The following USH2A variants were observed in gnomAD, a reference collection of about 807,000 sequenced individuals.
The protein encoded by USH2A is Usher syndrome 2A (autosomal recessive, mild).
Under a neutral mutation model 538.9 loss-of-function variants are expected in USH2A, and 443 were observed. The observed-to-expected ratio is 0.82, with a 90% CI of 0.76 to 0.89. The LOEUF is 0.89. Ranked by LOEUF, USH2A falls within the 40% of genes least tolerant of loss-of-function variation. The pLI is 0.00. For synonymous variants in USH2A, 2,413 were observed against 2,273.5 expected (o/e 1.06, Z -1.75); for missense variants, 6,633 against 6,324.8 (o/e 1.05, Z -1.65).
chr1:216,073,248 G>C lies in USH2A; in HGVS notation c.5625C>G (p.Asn1875Lys), dbSNP rs759181045. The change falls in exon 28 of 72, where the codon AAC (asparagine) becomes AAG (lysine). Residue 1875 changes from asparagine (N) to lysine (K), a missense_variant. Transcript: ENST00000307340. ...CAGCACCGCTGGACACAGATGCCAAGTTAACGACAGCACCCCGTGTAAATT... is the reference window on the plus strand; with the variant it reads ...CAGCACCGCTGGACACAGATGCCAACTTAACGACAGCACCCCGTGTAAATT... ...DVKFTRGAVV[N>K]LASVSSGAVR... The C allele has an allele frequency of 6.2e-7, 1 of 1,613,862 alleles. No homozygotes were observed. Among genetic ancestry groups the C allele is most frequent in the Non-Finnish European group, 8.5e-7 (1 of 1,179,942 alleles).
At position 216,086,204 on chromosome 1, in the gene USH2A, T is replaced by A. The variant is rs1571949586; in HGVS notation, c.4987+515A>T. On this transcript the variant is annotated intron_variant, in intron 24 of 71. Transcript: ENST00000307340. Reference sequence around the variant, plus strand: ...AATCACTTTGTCTATAGCTCAATTATAGCACTAATGGCATTAGGCTGGAAT... The same window carrying A: ...AATCACTTTGTCTATAGCTCAATTAAAGCACTAATGGCATTAGGCTGGAAT... 2.0e-5 allele frequency among the ~76,000 whole-genome samples: 3 copies of A among 152,268 alleles called. No homozygotes were observed. In the South Asian group the frequency reaches 6.2e-4, roughly 32 times the overall value.
intron 3 of USH2A, among the ~76,000 whole-genome samples, chr1:216,391,189 C>T (rs996695819): frequency 2.0e-5 from 3 of 152,196 alleles, no homozygotes; most frequent in African/African-American, 7.2e-5. Flanking sequence ...ACCAAAATTG[C>T]TTTGGTCTTA....
intron 11 of USH2A, among the ~76,000 whole-genome samples, chr1:216,271,305 C>T (rs2036569944): frequency 6.6e-6 from 1 of 152,118 alleles, no homozygotes; most frequent in Non-Finnish European, 1.5e-5. Context: ...ATTTATCTTA[C>T]AGCTGCATTT....
intron 30 of USH2A, among the ~76,000 whole-genome samples, chr1:216,057,618 C>T (rs973325348): frequency 6.6e-6 from 1 of 151,974 alleles, no homozygotes; most frequent in South Asian, 2.1e-4. Context: ...ACCCGGGCGG[C>T]GCAGGTTGCA....
At chr1:215,753,304 T>C (rs1285007882) in intron 58 of USH2A, among the ~76,000 whole-genome samples, 1 of 152,104 alleles carries the variant, frequency 6.6e-6, no homozygotes, top group African/African-American at 2.4e-5. Flanking sequence ...AGCCATCCCA[T>C]TACTGGGTAT....
chr1:215,970,575 G>T (rs766439350), intron 36 of USH2A, 50 bp downstream of exon 36: 2 of 1,610,946 alleles, frequency 1.2e-6, no homozygotes, highest in East Asian at 2.2e-5. Flanking sequence ...TTAATATTCA[G>T]TGTCATCTGA....
In USH2A at chr1:216,422,412, A is replaced by G. The variant is rs145285870; in HGVS notation, c.-76T>C. The G allele has an allele frequency of 7.3e-5, 116 of 1,598,738 alleles. No homozygotes were observed. In the African/African-American group the frequency reaches 1.4e-3, roughly 19 times the overall value. The stretch of plus-strand genomic sequence containing the variant: ...CAGGCCCACGCCACTTGCCAGCAAT[A>G]CTTTGAAGCAGGGTACTTTAAGTGA... On this transcript the variant is annotated 5_prime_UTR_variant, in exon 2 of 72. Coordinates refer to ENST00000307340, the MANE Select transcript of USH2A (RefSeq NM_206933.4).
intron 13 of USH2A, among the ~76,000 whole-genome samples, chr1:216,244,497 T>C (rs953811048): frequency 1.3e-4 from 19 of 151,992 alleles, no homozygotes; most frequent in Non-Finnish European, 2.1e-4. Context: ...AGCCATAGAT[T>C]TGGGTGGGAG....
chr1:216,113,457 A>C (rs2032924006), intron 21 of USH2A, among the ~76,000 whole-genome samples: 1 of 152,190 alleles, frequency 6.6e-6, no homozygotes, highest in African/African-American at 2.4e-5. Context: ...CATCAGGAAT[A>C]GTTTGGCCTG....
chr1:215,953,874 A>C (rs1292859110), intron 37 of USH2A, among the ~76,000 whole-genome samples: 1 of 152,062 alleles, frequency 6.6e-6, no homozygotes, highest in East Asian at 1.9e-4. Context: ...CAAGAAAAAA[A>C]CAAACAACCC....
At chr1:216,312,546 C>T (rs780459025) in intron 9 of USH2A, among the ~76,000 whole-genome samples, 9 of 152,074 alleles carry the variant, frequency 5.9e-5, no homozygotes, top group African/African-American at 2.2e-4. Context: ...AACTCAGATT[C>T]TTTTATCAGC....
intron 61 of USH2A, among the ~76,000 whole-genome samples, chr1:215,714,025 G>A (rs957155340): frequency 2.6e-5 from 4 of 152,166 alleles, no homozygotes; most frequent in Non-Finnish European, 5.9e-5. Context: ...GGTTATTGAG[G>A]TGAAATAAGA....
intron 41 of USH2A, among the ~76,000 whole-genome samples, chr1:215,887,180 ATCGGCCACAATC>A (rs542771982): frequency 9.7e-4 from 147 of 152,288 alleles, no homozygotes; most frequent in African/African-American, 3.3e-3. Flanking sequence ...TCTTTTTCAG[ATCGGCCACAATC>A]AGTAACGCCT....
chr1:216,052,707 T>C (rs1366703492), intron 30 of USH2A, among the ~76,000 whole-genome samples: 1 of 152,218 alleles, frequency 6.6e-6, no homozygotes, highest in Non-Finnish European at 1.5e-5. Context: ...TGGTCAAATA[T>C]GTGGTCTTCA....
Position 215,675,163 on chromosome 1 carries a change from AGGTAT to A in USH2A, c.12743_12747del (p.His4248LeufsTer2). On this transcript the variant is annotated frameshift_variant, in exon 63 of 72. Transcript: ENST00000307340. LOFTEE classifies it high-confidence loss of function. ...GTCCTCACCACATTCCAAGAGCTAC[AGGTAT>A]GCCCAGCTGAATTCCAAGTGTAGAT... 1 of 1,614,136 alleles carries A rather than the reference AGGTAT, an allele frequency of 6.2e-7. No homozygotes were observed. The highest frequency in any genetic ancestry group is 1.1e-5 in the South Asian group (1 of 91,078).
intron 4 of USH2A, 65 bp downstream of exon 4, chr1:216,364,888 T>A: frequency 1.3e-6 from 2 of 1,592,970 alleles, no homozygotes; most frequent in East Asian, 2.2e-5. Context: ...TATTATTTGT[T>A]TGATGCATTT....
rs569742012 is a variant in USH2A, at chr1:216,370,285, G to A, written c.652-5200C>T. On this transcript the variant is annotated intron_variant, in intron 3 of 71. Transcript: ENST00000307340. Reference sequence around the variant, plus strand: ...CTGAGGCAGGATAATTACTTGAACCGGGGAGGTGGAGGTTGCGGTGAGCCG... The same window carrying A: ...CTGAGGCAGGATAATTACTTGAACCAGGGAGGTGGAGGTTGCGGTGAGCCG... Among the ~76,000 whole-genome samples the A allele has an allele frequency of 7.1e-4, 108 of 151,810 alleles. 7 individuals carry two copies. Among genetic ancestry groups the A allele is most frequent in the Admixed American group, 1.3e-4 (2 of 15,236 alleles).
Position 216,200,083 on chromosome 1 carries a change from T to C in USH2A, c.3355A>G (p.Thr1119Ala), listed in dbSNP as rs761834519. Residue 1119 changes from threonine (T) to alanine (A), a missense_variant, in exon 17 of 72, where the codon ACC becomes GCC. Thr to Ala is a moderately conservative substitution (Grantham distance 58, BLOSUM62 0). Transcript: ENST00000307340. ...GTCTCAATGTAATAGGAATATTTGG[T>C]ATATGGTAACAGGTCTGTGTCTAAG... Reference protein sequence around the residue: ...YFLDTDLLPYTKYSYYIETTN... With the variant: ...YFLDTDLLPYAKYSYYIETTN... The C allele has an allele frequency of 1.2e-6, 2 of 1,613,318 alleles. No homozygotes were observed. The highest frequency in any genetic ancestry group is 4.5e-5 in the East Asian group (2 of 44,800).
intron 30 of USH2A, among the ~76,000 whole-genome samples, chr1:216,052,362 G>GGAAAAAAAAAAAAAAA (rs2030816358): frequency 9.3e-6 from 1 of 107,786 alleles, no homozygotes; most frequent in Non-Finnish European, 2.2e-5. Flanking sequence ...AGAAAACAAA[G>GGAAAAAAAAAAAAAAA]GAAAAAAAAA....
Sources: gnomAD v4.1 joint callset for allele counts (sites outside exome capture counted in the v4.1 genomes callset) on GRCh38, gnomAD v4.1.1 for gene constraint, MANE v1.5 for transcripts, NCBI Gene and HGNC (gene_info 2026-07-23, HGNC 2026-07-21) for gene names.